Variants in SEMA3C observed in about 807,000 individuals in gnomAD.
The protein encoded by SEMA3C is semaphorin-3C.
SEMA3C carries 47 observed loss-of-function variants against 89.4 expected under a neutral mutation model. That is an observed-to-expected ratio of 0.53 (90% CI 0.42 to 0.67). The LOEUF is 0.67. Ranked by LOEUF, SEMA3C falls within the 30% of genes least tolerant of loss-of-function variation. SEMA3C has a pLI of 0.00. For synonymous variants in SEMA3C, 310 were observed against 320.2 expected, an observed-to-expected ratio of 0.97 and a Z score of 0.34; for missense variants, 839 against 929.1, an observed-to-expected ratio of 0.90 and a Z score of 1.26.
At chr7:80,836,374 C>T (rs866827979) in intron 2 of SEMA3C, among the ~76,000 whole-genome samples, 44 of 152,206 alleles carry the variant, frequency 2.9e-4, no homozygotes, top group Middle Eastern at 3.4e-3. Flanking sequence ...ACGCAGGGAA[C>T]CCAGCTAAAG....
In SEMA3C at chr7:80,800,085, G is replaced by A. The variant is rs186064334; in HGVS notation, c.986+672C>T. On this transcript the variant is annotated intron_variant, in intron 10 of 17. Transcript: ENST00000265361. ...GGAGAACGGCATGAACCCCAGAGGC[G>A]GAGCTTGCAGTGAGCCGAGATCGCA... Among the ~76,000 whole-genome samples the A allele has an allele frequency of 5.3e-4, 80 of 149,994 alleles. 1 individual carries two copies. The East Asian group carries it at 9.6e-3, about 18-fold the overall frequency.
intron 11 of SEMA3C, among the ~76,000 whole-genome samples, chr7:80,797,495 T>C (rs141219804): frequency 6.2e-4 from 95 of 152,350 alleles, no homozygotes; most frequent in African/African-American, 2.2e-3. Flanking sequence ...AAGCTGCCTA[T>C]AGTTAAATAG....
At chr7:80,922,109 A>T (rs1012307380), upstream of SEMA3C, among the ~76,000 whole-genome samples, 1 of 152,196 alleles carries the variant, frequency 6.6e-6, no homozygotes, top group African/African-American at 2.4e-5. Flanking sequence ...TATTATCTGC[A>T]TAGCATTCTT....
At chr7:80,890,639 T>TA (rs1263958670) in intron 2 of SEMA3C, among the ~76,000 whole-genome samples, 2 of 152,272 alleles carry the variant, frequency 1.3e-5, no homozygotes, top group African/African-American at 4.8e-5. Context: ...TGACACATGA[T>TA]AAACTACAAA....
At chr7:80,906,390 G>A (rs1792016508) in intron 2 of SEMA3C, among the ~76,000 whole-genome samples, 2 of 152,230 alleles carry the variant, frequency 1.3e-5, no homozygotes, top group African/African-American at 4.8e-5. Flanking sequence ...CATCTCCATA[G>A]CACAAATAAA....
chr7:80,772,389 C>CA (rs1218117690), intron 12 of SEMA3C, among the ~76,000 whole-genome samples: 4 of 152,130 alleles, frequency 2.6e-5, no homozygotes, highest in Non-Finnish European at 5.9e-5. Flanking sequence ...TGCCTTGTTA[C>CA]AAAAAATATG....
At chr7:80,786,395 TG>T (rs1788802427) in intron 12 of SEMA3C, among the ~76,000 whole-genome samples, 2 of 147,826 alleles carry the variant, frequency 1.4e-5, no homozygotes, top group African/African-American at 5.0e-5. Context: ...TAGATTTTCA[TG>T]AAAAAAAAAA....
At chr7:80,780,650 G>A (rs966805369) in intron 12 of SEMA3C, among the ~76,000 whole-genome samples, 14 of 152,152 alleles carry the variant, frequency 9.2e-5, no homozygotes, top group Admixed American at 9.2e-4. Context: ...TTGGGAGGCT[G>A]AGGTGGGCAG....
intron 2 of SEMA3C, among the ~76,000 whole-genome samples, chr7:80,836,333 T>C (rs981123550): frequency 2.6e-5 from 4 of 152,070 alleles, no homozygotes; most frequent in Admixed American, 1.3e-4. Context: ...AAATGCCAAA[T>C]GGATTAAAGA....
In SEMA3C at chr7:80,802,675, A is replaced by G. The variant is rs773595745; in HGVS notation, c.906T>C (p.Phe302=). The G allele has an allele frequency of 1.2e-5, 20 of 1,611,904 alleles. No individual in the cohort carries two copies. The Admixed American group carries it at 2.5e-4, about 20-fold the overall frequency. The part of the protein sequence containing the change: ...VTDEDGPETH[F]DELEDVFLLE... Reference sequence around the variant, plus strand: ...CTCATATGTATGTACCTAATTCATCAAAGTGTGTTTCTGGGCCGTCTTCAT... The same window carrying G: ...CTCATATGTATGTACCTAATTCATCGAAGTGTGTTTCTGGGCCGTCTTCAT... Residue 302 remains phenylalanine (F), a synonymous_variant, in exon 9 of 18, where the codon TTT becomes TTC. Coordinates refer to ENST00000265361, the MANE Select transcript of SEMA3C (RefSeq NM_006379.5).
At chr7:80,814,352 T>A (rs1275048231) in intron 5 of SEMA3C, among the ~76,000 whole-genome samples, 2 of 152,068 alleles carry the variant, frequency 1.3e-5, no homozygotes, top group Admixed American at 1.3e-4. Context: ...CCTCCCTAAG[T>A]GCTGTGATTA....
intron 12 of SEMA3C, among the ~76,000 whole-genome samples, chr7:80,787,390 T>TAAAAA (rs1179102219): frequency 2.0e-5 from 2 of 99,872 alleles, no homozygotes; most frequent in Non-Finnish European, 3.8e-5. Context: ...AGACTCCGTT[T>TAAAAA]AAAAAAAAAA....
At chr7:80,766,802 A>G (rs1788314974) in intron 12 of SEMA3C, among the ~76,000 whole-genome samples, 2 of 152,202 alleles carry the variant, frequency 1.3e-5, no homozygotes, top group Non-Finnish European at 2.9e-5. Flanking sequence ...CATGTCCATT[A>G]ACAGGCAAAA....
intron 12 of SEMA3C, among the ~76,000 whole-genome samples, chr7:80,772,531 G>A (rs1021996726): frequency 6.6e-5 from 10 of 152,098 alleles, no homozygotes; most frequent in Non-Finnish European, 1.5e-4. Flanking sequence ...GGGTATTAGA[G>A]CCCCAGTTGG....
chr7:80,853,162 T>G (rs192138083), intron 2 of SEMA3C, among the ~76,000 whole-genome samples: 4 of 151,986 alleles, frequency 2.6e-5, no homozygotes, highest in African/African-American at 9.7e-5. Flanking sequence ...TTCCATACTA[T>G]TGATGAGAAT....
rs79777185 is a variant in SEMA3C at position 80,835,020 on chromosome 7, T to C, written c.104-6275A>G. On this transcript the variant is annotated intron_variant, in intron 2 of 17. Transcript: ENST00000265361. ...GATACCTACAATTCAGAGTGCCAAT[T>C]GTATACCTGTCAAACTACACAGTAG... 9.4e-3 allele frequency among the ~76,000 whole-genome samples: 1,428 copies of C among 152,280 alleles called. 31 individuals are homozygous for C. The highest frequency in any genetic ancestry group is 0.033 in the African/African-American group (1,373 of 41,560).
In SEMA3C at chr7:80,810,612, G is replaced by A. The variant is rs1303090283; in HGVS notation, c.537C>T (p.Ile179=). The change falls in exon 6 of 18, where the codon ATC becomes ATT. Residue 179 remains isoleucine, a splice_region_variant and synonymous_variant. Coordinates refer to ENST00000265361, the MANE Select transcript of SEMA3C (RefSeq NM_006379.5). The part of the protein sequence containing the change: ...NPNVNTVSVM[I]NEELFSGMYI... ...CTCCCTCTTTCGTTGTCTACTTACT[G>A]ATCATAACAGACACCGTGTTCACGT... The A allele has an allele frequency of 1.2e-6, 2 of 1,611,946 alleles. No homozygotes were observed. The highest frequency in any genetic ancestry group is 2.2e-5 in the South Asian group (2 of 90,986).
intron 2 of SEMA3C, among the ~76,000 whole-genome samples, chr7:80,871,560 AT>A (rs1791059395): frequency 6.6e-6 from 1 of 152,158 alleles, no homozygotes; most frequent in South Asian, 2.1e-4. Context: ...TGCCAGACAA[AT>A]TTTTGAATTT....
intron 4 of SEMA3C, among the ~76,000 whole-genome samples, chr7:80,820,626 C>A (rs2115773493): frequency 6.6e-6 from 1 of 152,128 alleles, no homozygotes; most frequent in African/African-American, 2.4e-5. Flanking sequence ...ATAGACCAGA[C>A]CATACACTTT....
Sources: allele counts gnomAD v4.1 joint callset (sites outside exome capture counted in the v4.1 genomes callset), GRCh38; gene constraint gnomAD v4.1.1; transcripts MANE v1.5; gene names NCBI Gene and HGNC (gene_info 2026-07-23, HGNC 2026-07-21).